The following DCP1A variants were observed in gnomAD, a reference collection of about 807,000 sequenced individuals.
DCP1A encodes decapping mRNA 1A.
In DCP1A, 20 loss-of-function variants were observed where a neutral mutation model predicts 58.0. That is an observed-to-expected ratio of 0.34 (90% confidence interval 0.24 to 0.50). The LOEUF is 0.50. Ranked by LOEUF, DCP1A falls within the 20% of genes least tolerant of loss-of-function variation. The pLI is 0.98. For missense variants in DCP1A, 613 were observed against 712.2 expected, an observed-to-expected ratio of 0.86 and a Z score of 1.59; for synonymous variants, 285 against 275.1, an observed-to-expected ratio of 1.04 and a Z score of -0.36.
intron 5 of DCP1A, among the ~76,000 whole-genome samples, chr3:53,307,842 T>A (rs1707521518): frequency 6.6e-6 from 1 of 152,252 alleles, no homozygotes; most frequent in Non-Finnish European, 1.5e-5. Context: ...TAAGGATATA[T>A]CGCCAAGTTC....
intron 3 of DCP1A, chr3:53,328,955 G>A (rs574099231): frequency 8.5e-4 from 135 of 159,558 alleles, no homozygotes; most frequent in African/African-American, 3.1e-3. Context: ...GCAACTGATG[G>A]TGGAAGACTG....
At chr3:53,301,514 C>A (rs1178684748) in intron 6 of DCP1A, among the ~76,000 whole-genome samples, 2 of 152,126 alleles carry the variant, frequency 1.3e-5, no homozygotes, top group East Asian at 3.9e-4. Context: ...CTCAAGTGAT[C>A]CACCCGCCTT....
chr3:53,286,417 A>G lies in DCP1A; in HGVS notation c.*1163T>C, dbSNP rs1706636119. On this transcript the variant is annotated 3_prime_UTR_variant, in exon 10 of 10. Coordinates refer to ENST00000610213, the MANE Select transcript of DCP1A (RefSeq NM_018403.7). ...GCTGAAATAAATCAAAATCTACATT[A>G]AAATATTACTAAACACCATTACATG... 1 of 152,280 alleles carries G rather than the reference A, an allele frequency of 6.6e-6. No homozygotes were observed. Among genetic ancestry groups the G allele is most frequent in the African/African-American group, 2.4e-5 (1 of 41,482 alleles). 9.4% of individuals were successfully genotyped at this position (152,280 alleles called of 1,614,324 possible). A position where few individuals can be genotyped will look rare whatever the true frequency, so the allele number is the denominator to read the frequency against.
At chr3:53,291,973 TTGTCA>T (rs1359704301) in intron 7 of DCP1A, 91 bp downstream of exon 7, 23 of 1,326,406 alleles carry the variant, frequency 1.7e-5, no homozygotes, top group Non-Finnish European at 2.2e-5. Context: ...ACTCTAAAAA[TTGTCA>T]TGTCATGACA....
At chr3:53,304,555 T>C (rs1440465239) in intron 5 of DCP1A, among the ~76,000 whole-genome samples, 1 of 152,144 alleles carries the variant, frequency 6.6e-6, no homozygotes, top group East Asian at 1.9e-4. Context: ...TATTACTTTA[T>C]CACATATTCT....
chr3:53,291,946 C>G, intron 7 of DCP1A, 123 bp downstream of exon 7: 1 of 1,079,846 alleles, frequency 9.3e-7, no homozygotes, highest in Non-Finnish European at 1.3e-6. Context: ...GAGCCTCTGA[C>G]ATACTTTAAA....
chr3:53,307,360 A>G (rs1707507153), intron 5 of DCP1A, among the ~76,000 whole-genome samples: 1 of 152,184 alleles, frequency 6.6e-6, no homozygotes, highest in Non-Finnish European at 1.5e-5. Flanking sequence ...TTTTAGAGAC[A>G]GGCTGGATAA....
At chr3:53,314,192 C>T (rs1304991648) in intron 4 of DCP1A, among the ~76,000 whole-genome samples, 1 of 152,124 alleles carries the variant, frequency 6.6e-6, no homozygotes, top group Non-Finnish European at 1.5e-5. Context: ...CCACAACTGG[C>T]CAGTTGATTT....
At chr3:53,291,989 G>A in intron 7 of DCP1A, 80 bp downstream of exon 7, 2 of 1,447,082 alleles carry the variant, frequency 1.4e-6, no homozygotes, top group Admixed American at 5.0e-5. Flanking sequence ...TGTCATGACA[G>A]TTAAAACCAA....
At chr3:53,299,302 G>C (rs1465013021) in intron 6 of DCP1A, among the ~76,000 whole-genome samples, 1 of 152,194 alleles carries the variant, frequency 6.6e-6, no homozygotes, top group African/African-American at 2.4e-5. Context: ...ATCATCCACA[G>C]AAAAGGTAAA....
intron 1 of DCP1A, 106 bp downstream of exon 1, chr3:53,347,277 C>G (rs929674487): frequency 6.0e-6 from 8 of 1,328,432 alleles, no homozygotes; most frequent in East Asian, 3.0e-5. Flanking sequence ...CTCGTCTCCA[C>G]CGCCCTGGCC....
chr3:53,297,261 G>A (rs1294270826), intron 6 of DCP1A, among the ~76,000 whole-genome samples: 1 of 151,676 alleles, frequency 6.6e-6, no homozygotes, highest in Admixed American at 6.6e-5. Flanking sequence ...ACCCAGTTTT[G>A]AATTGGGTTA....
chr3:53,311,830 C>T (rs1707651990), intron 5 of DCP1A, among the ~76,000 whole-genome samples: 2 of 152,158 alleles, frequency 1.3e-5, no homozygotes, highest in African/African-American at 4.8e-5. Flanking sequence ...ACCATCTTCT[C>T]CCATAGTAAT....
Position 53,304,675 on chromosome 3 carries a change from C to T in DCP1A, c.511-385G>A, listed in dbSNP as rs151149732. On this transcript the variant is annotated intron_variant, in intron 5 of 9. Transcript: ENST00000610213. ...ACAACCTCTGCCTCCTGGGTTCAAG[C>T]GATTCTCCTGCCTCAGCCTCCCGAG... is the stretch of plus-strand genomic sequence containing the variant. 1.7e-3 allele frequency among the ~76,000 whole-genome samples: 259 copies of T among 152,162 alleles called. 8 individuals carry two copies. The East Asian group carries it at 0.033, about 19-fold the overall frequency.
At chr3:53,301,084 G>T (rs1707300366) in intron 6 of DCP1A, among the ~76,000 whole-genome samples, 1 of 152,150 alleles carries the variant, frequency 6.6e-6, no homozygotes, top group Non-Finnish European at 1.5e-5. Flanking sequence ...TTAGAAAGGG[G>T]AAGTAGTAAG....
At chr3:53,309,899 C>T (rs1553688484) in intron 5 of DCP1A, among the ~76,000 whole-genome samples, 1 of 152,210 alleles carries the variant, frequency 6.6e-6, no homozygotes, top group East Asian at 1.9e-4. Flanking sequence ...TGCACCCCTG[C>T]CCTTGATTGC....
chr3:53,338,090 C>T (rs1334352641), intron 3 of DCP1A: 4 of 415,700 alleles, frequency 9.6e-6, no homozygotes, highest in Non-Finnish European at 1.5e-5. Flanking sequence ...TCACTTATTA[C>T]CTTTGCGAAT....
At chr3:53,328,234 A>C (rs1708165585) in intron 3 of DCP1A, among the ~76,000 whole-genome samples, 1 of 152,182 alleles carries the variant, frequency 6.6e-6, no homozygotes, top group African/African-American at 2.4e-5. Context: ...TGAAGGGCCC[A>C]GTCTGGAGGT....
chr3:53,296,182 A>G (rs1353893809), intron 6 of DCP1A, among the ~76,000 whole-genome samples: 7 of 152,344 alleles, frequency 4.6e-5, no homozygotes, highest in African/African-American at 1.7e-4. Flanking sequence ...GGCATGAGCC[A>G]CCGCGCCCGG....
Sources: gnomAD v4.1 joint callset for allele counts (sites outside exome capture counted in the v4.1 genomes callset) on GRCh38, gnomAD v4.1.1 for gene constraint, MANE v1.5 for transcripts, NCBI Gene and HGNC (gene_info 2026-07-23, HGNC 2026-07-21) for gene names.